The following ORC4 variants were observed in gnomAD, a reference collection of about 807,000 sequenced individuals.
ORC4 encodes the protein origin recognition complex subunit 4.
ORC4 carries 55 observed loss-of-function variants against 63.9 expected under a neutral mutation model. That is an observed-to-expected ratio of 0.86 (90% CI 0.69 to 1.08). ORC4 has a LOEUF of 1.08. Among genes scored for constraint, ORC4 ranks in the 50% least tolerant of loss-of-function variants. ORC4 has a pLI of 0.00. For synonymous variants in ORC4, 150 were observed against 168.5 expected, an observed-to-expected ratio of 0.89 and a Z score of 0.85; for missense variants, 511 against 504.4, an observed-to-expected ratio of 1.01 and a Z score of -0.13.
At chr2:147,993,606 G>C (rs537434826) in intron 1 of ORC4, among the ~76,000 whole-genome samples, 4 of 152,230 alleles carry the variant, frequency 2.6e-5, no homozygotes, top group African/African-American at 9.6e-5. Context: ...CCATCAGCAT[G>C]CTTAGGTAAT....
chr2:148,019,290 AC>A (rs1693517056), intron 1 of ORC4, among the ~76,000 whole-genome samples: 1 of 152,010 alleles, frequency 6.6e-6, no homozygotes, highest in Admixed American at 6.5e-5. Context: ...GATAGTGTAC[AC>A]CTAAAGAACC....
At chr2:147,976,000 T>A in intron 1 of ORC4, 25 bp from the exon 2 acceptor site, 1 of 1,113,922 alleles carries the variant, frequency 9.0e-7, no homozygotes, top group Non-Finnish European at 1.4e-6. Context: ...GCATAAATAT[T>A]ATAAACGTAG....
At chr2:147,958,407 T>C (rs776126564) in intron 5 of ORC4, 24 bp from the exon 6 acceptor site, 8 of 1,551,206 alleles carry the variant, frequency 5.2e-6, no homozygotes, top group Non-Finnish European at 7.1e-6. Context: ...CATTTAAAAG[T>C]ATTTAATTAA....
At chr2:147,952,344 C>T in intron 8 of ORC4, 29 bp downstream of exon 8, 3 of 1,489,890 alleles carry the variant, frequency 2.0e-6, no homozygotes, top group Non-Finnish European at 2.8e-6. Flanking sequence ...ATATTATAAT[C>T]AATTTTTTTA....
At chr2:147,965,755 C>T (rs1303280946) in intron 4 of ORC4, among the ~76,000 whole-genome samples, 1 of 152,200 alleles carries the variant, frequency 6.6e-6, no homozygotes, top group African/African-American at 2.4e-5. Flanking sequence ...CACCCAACAA[C>T]TGCAGAATGT....
chr2:147,951,036 C>T (rs1049702682), intron 8 of ORC4, among the ~76,000 whole-genome samples: 1 of 151,754 alleles, frequency 6.6e-6, no homozygotes, highest in Non-Finnish European at 1.5e-5. Context: ...TGTGGAGCAC[C>T]AGCCAGTGAT....
rs192034035 is a variant in ORC4 at position 147,990,461 on chromosome 2, G to A, written c.-17-14486C>T. Among the ~76,000 whole-genome samples, 410 of 152,248 alleles carry A rather than the reference G, an allele frequency of 2.7e-3. 2 individuals carry two copies. Among genetic ancestry groups the A allele is most frequent in the Non-Finnish European group, 4.1e-3 (277 of 68,004 alleles). On this transcript the variant is annotated intron_variant, in intron 1 of 13. Coordinates refer to ENST00000392857, the MANE Select transcript of ORC4 (RefSeq NM_181741.4). ...GAGTTAAAAGAATGGTTGAGTGTGG[G>A]GAGAAATAAGGGCCAATACTGATAT... is the stretch of plus-strand genomic sequence containing the variant.
chr2:148,003,124 C>T (rs1692417267), intron 1 of ORC4, among the ~76,000 whole-genome samples: 1 of 152,046 alleles, frequency 6.6e-6, no homozygotes, highest in Non-Finnish European at 1.5e-5. Context: ...AATTAATAGC[C>T]TACCAACCAA....
In ORC4 at chr2:147,948,061, T is replaced by G; in HGVS notation, c.752A>C (p.Glu251Ala). 1 of 1,611,162 alleles carries G rather than the reference T, an allele frequency of 6.2e-7. No individual in the cohort carries two copies. Among genetic ancestry groups the G allele is most frequent in the Non-Finnish European group, 8.5e-7 (1 of 1,177,610 alleles). The change falls in exon 9 of 14, where the codon GAA (glutamate) becomes GCA (alanine). Residue 251 changes from glutamate (E) to alanine (A), a missense_variant. Transcript: ENST00000392857. The part of the protein sequence containing the change: ...PDKVFAEKWN[E>A]NVQYLSEDRS... ...TGCCTTTTAAGATACCTGAACATTT[T>G]CATTCCACTTCTCAGCAAAAACCTT...
intron 1 of ORC4, among the ~76,000 whole-genome samples, chr2:147,986,145 AG>A (rs1258144605): frequency 6.6e-6 from 1 of 152,230 alleles, no homozygotes; most frequent in Non-Finnish European, 1.5e-5. Context: ...ATCGCTAAAA[AG>A]GAATACATGT....
At chr2:147,951,732 C>T (rs772622398) in intron 8 of ORC4, 6 of 152,142 alleles carry the variant, frequency 3.9e-5, no homozygotes, top group Non-Finnish European at 5.9e-5. Flanking sequence ...CTCTTCAATA[C>T]CAGTTTTATC....
chr2:147,947,577 G>A (rs1238525459), intron 9 of ORC4: 1 of 152,640 alleles, frequency 6.6e-6, no homozygotes, highest in Non-Finnish European at 1.5e-5. Context: ...AATATAACTG[G>A]AGGTGCCACA....
At chr2:147,983,768 C>T (rs1165579493) in intron 1 of ORC4, among the ~76,000 whole-genome samples, 4 of 152,096 alleles carry the variant, frequency 2.6e-5, no homozygotes, top group Non-Finnish European at 5.9e-5. Context: ...TACTACAAAG[C>T]CAATCAAGAA....
At chr2:148,012,085 GA>G (rs942238876) in intron 1 of ORC4, among the ~76,000 whole-genome samples, 19 of 148,138 alleles carry the variant, frequency 1.3e-4, no homozygotes, top group South Asian at 4.3e-4. Flanking sequence ...CACAGAAATA[GA>G]AAAAAAAAAT....
chr2:147,984,799 C>G (rs1045287070), intron 1 of ORC4, among the ~76,000 whole-genome samples: 1 of 152,166 alleles, frequency 6.6e-6, no homozygotes, highest in Admixed American at 6.5e-5. Context: ...GGGATGAATT[C>G]TGAAATATAT....
At chr2:147,998,301 C>T (rs1432208034) in intron 1 of ORC4, among the ~76,000 whole-genome samples, 3 of 152,124 alleles carry the variant, frequency 2.0e-5, no homozygotes, top group Non-Finnish European at 4.4e-5. Flanking sequence ...TCTTTATCAC[C>T]ACCAAAGCTA....
At chr2:147,961,786 C>A (rs1385402918) in intron 4 of ORC4, among the ~76,000 whole-genome samples, 1 of 152,128 alleles carries the variant, frequency 6.6e-6, no homozygotes, top group Non-Finnish European at 1.5e-5. Flanking sequence ...ATAACTGATC[C>A]ATTTTATTAA....
intron 3 of ORC4, among the ~76,000 whole-genome samples, chr2:147,973,072 ATAG>A (rs1690315857): frequency 6.6e-6 from 1 of 152,096 alleles, no homozygotes; most frequent in South Asian, 2.1e-4. Flanking sequence ...GATTTATACG[ATAG>A]TAGGGGACAA....
At chr2:148,021,476 T>C, upstream of ORC4, 1 of 578,264 alleles carries the variant, frequency 1.7e-6, no homozygotes, top group South Asian at 1.5e-5. Context: ...CTGCTGCTGC[T>C]GCTGTTGCTG....
Sources: allele counts gnomAD v4.1 joint callset (sites outside exome capture counted in the v4.1 genomes callset), GRCh38; gene constraint gnomAD v4.1.1; transcripts MANE v1.5; gene names NCBI Gene and HGNC (gene_info 2026-07-23, HGNC 2026-07-21).